Variants in NCAM2 observed in about 807,000 individuals in gnomAD.
The protein encoded by NCAM2 is neural cell adhesion molecule 2, also known as N-CAM-2.
Under a neutral mutation model 98.1 loss-of-function variants are expected in NCAM2, and 30 were observed. The observed-to-expected ratio is 0.31, with a 90% CI of 0.23 to 0.41. The LOEUF is 0.41. Ranked by LOEUF, NCAM2 falls within the 10% of genes least tolerant of loss-of-function variation. NCAM2 has a pLI of 1.00. For missense variants in NCAM2, 867 were observed against 1,005.8 expected (o/e 0.86, Z 1.87); for synonymous variants, 368 against 342.4 (o/e 1.07, Z -0.83).
chr21:21,021,183 A>ATTT (rs141273460), intron 1 of NCAM2, among the ~76,000 whole-genome samples: 106 of 148,924 alleles, frequency 7.1e-4, no homozygotes, highest in African/African-American at 2.5e-3. Context: ...TCTATGGATC[A>ATTT]TTTTTTTTTT....
intron 5 of NCAM2, 39 bp from the exon 6 acceptor site, chr21:21,324,344 T>A: frequency 6.7e-7 from 1 of 1,482,206 alleles, no homozygotes; most frequent in Non-Finnish European, 9.3e-7. Flanking sequence ...AGTGAAGGTG[T>A]TTTCGTCTCT....
Position 21,477,452 on chromosome 21 carries a change from A to G in NCAM2, c.2058A>G (p.Pro686=), listed in dbSNP as rs373825696. The change falls in exon 15 of 18, where the codon CCA becomes CCG. Residue 686 remains proline, a synonymous_variant. Transcript: ENST00000400546. The part of the protein sequence containing the change: ...EPTVYEFSMP[P]KPNIIKDTLF... ...CAGTTTATGAATTCAGCATGCCACC[A>G]AAGCCCAACATTATTAAAGGTAAGC... The G allele has an allele frequency of 1.6e-5, 26 of 1,601,142 alleles. No individual in the cohort carries two copies. Among genetic ancestry groups the G allele is most frequent in the Non-Finnish European group, 2.1e-5 (25 of 1,172,064 alleles).
chr21:21,516,155 A>G (rs1352479993), intron 16 of NCAM2, among the ~76,000 whole-genome samples: 3 of 152,128 alleles, frequency 2.0e-5, no homozygotes, highest in Non-Finnish European at 4.4e-5. Context: ...AAAGAACCAC[A>G]TCTACAGTTT....
At chr21:21,457,918 T>C (rs991378314) in intron 12 of NCAM2, among the ~76,000 whole-genome samples, 4 of 152,176 alleles carry the variant, frequency 2.6e-5, no homozygotes, top group African/African-American at 4.8e-5. Context: ...CATTAAGGGT[T>C]TGGCCAGGAG....
intron 15 of NCAM2, among the ~76,000 whole-genome samples, chr21:21,484,843 A>G (rs2146289376): frequency 6.6e-6 from 1 of 152,270 alleles, no homozygotes; most frequent in Non-Finnish European, 1.5e-5. Context: ...ATTTTCCATT[A>G]ATTCCTAAAG....
At chr21:21,384,517 C>T (rs1432654054) in intron 9 of NCAM2, among the ~76,000 whole-genome samples, 1 of 151,642 alleles carries the variant, frequency 6.6e-6, no homozygotes, top group Non-Finnish European at 1.5e-5. Context: ...AGGAAAATAC[C>T]AAATATATTG....
chr21:21,452,657 A>T (rs1569078897), intron 12 of NCAM2, among the ~76,000 whole-genome samples: 1 of 111,894 alleles, frequency 8.9e-6, no homozygotes, highest in Non-Finnish European at 1.7e-5. Flanking sequence ...AAATATATAT[A>T]TTATATATAT....
intron 14 of NCAM2, among the ~76,000 whole-genome samples, chr21:21,470,742 C>T (rs923740974): frequency 6.6e-5 from 10 of 151,950 alleles, no homozygotes; most frequent in African/African-American, 2.4e-4. Context: ...TTTCATAACA[C>T]ATTGGAAATG....
intron 11 of NCAM2, among the ~76,000 whole-genome samples, chr21:21,420,022 G>A (rs1056242901): frequency 1.3e-5 from 2 of 152,028 alleles, no homozygotes; most frequent in Non-Finnish European, 2.9e-5. Context: ...TCCAGCACCT[G>A]TTGTTTCCTG....
At chr21:21,125,590 A>T (rs1420738656) in intron 1 of NCAM2, among the ~76,000 whole-genome samples, 5 of 75,380 alleles carry the variant, frequency 6.6e-5, no homozygotes, top group Non-Finnish European at 1.5e-4. Flanking sequence ...TAATATACAT[A>T]TTTATTAAAT....
chr21:21,474,131 A>C (rs1020031051), intron 14 of NCAM2, among the ~76,000 whole-genome samples: 13 of 151,854 alleles, frequency 8.6e-5, no homozygotes, highest in African/African-American at 3.1e-4. Flanking sequence ...TGCATACTTG[A>C]GATTTTGATG....
At chr21:21,280,444 A>G (rs1355485245) in intron 1 of NCAM2, 134 bp from the exon 2 acceptor site, 1 of 589,622 alleles carries the variant, frequency 1.7e-6, no homozygotes, top group Non-Finnish European at 2.9e-6. Context: ...CAAAACTTTC[A>G]TTTTTCTTTA....
At chr21:21,022,380 A>G (rs571581602) in intron 1 of NCAM2, among the ~76,000 whole-genome samples, 23 of 152,220 alleles carry the variant, frequency 1.5e-4, no homozygotes, top group African/African-American at 5.3e-4. Context: ...TCAAACTCCT[A>G]GAAGACTTTG....
At chr21:21,020,899 A>G (rs1373903591) in intron 1 of NCAM2, among the ~76,000 whole-genome samples, 1 of 152,164 alleles carries the variant, frequency 6.6e-6, no homozygotes, top group East Asian at 1.9e-4. Flanking sequence ...GAAGGCAGTC[A>G]TTCTAGAGTA....
chr21:21,221,530 A>C (rs1407053393), intron 1 of NCAM2, among the ~76,000 whole-genome samples: 5 of 152,214 alleles, frequency 3.3e-5, no homozygotes, highest in Non-Finnish European at 1.5e-5. Context: ...TTTATTGCTA[A>C]TACAGAGAAA....
chr21:21,507,647 A>G (rs1988070033), intron 15 of NCAM2, among the ~76,000 whole-genome samples: 1 of 151,736 alleles, frequency 6.6e-6, no homozygotes. Flanking sequence ...CAAAAAAATT[A>G]CCCAGGTGCA....
At chr21:21,237,025 C>T (rs192920126) in intron 1 of NCAM2, among the ~76,000 whole-genome samples, 2 of 152,190 alleles carry the variant, frequency 1.3e-5, no homozygotes, top group Non-Finnish European at 2.9e-5. Flanking sequence ...TAACGTTAGA[C>T]TTCTGCTCCT....
intron 9 of NCAM2, among the ~76,000 whole-genome samples, chr21:21,394,226 A>G (rs974177627): frequency 1.3e-5 from 2 of 152,152 alleles, no homozygotes; most frequent in African/African-American, 4.8e-5. Flanking sequence ...TGGTACATGG[A>G]CTGAATCCAG....
chr21:21,376,447 G>A (rs1230586207), intron 9 of NCAM2, among the ~76,000 whole-genome samples: 1 of 151,750 alleles, frequency 6.6e-6, no homozygotes, highest in Non-Finnish European at 1.5e-5. Flanking sequence ...ATCAACAGGA[G>A]TTTAAATTAA....
Sources: allele counts gnomAD v4.1 joint callset (sites outside exome capture counted in the v4.1 genomes callset), GRCh38; gene constraint gnomAD v4.1.1; transcripts MANE v1.5; gene names NCBI Gene and HGNC (gene_info 2026-07-23, HGNC 2026-07-21).